Variants in TARDBP observed in about 807,000 individuals in gnomAD.
TARDBP encodes TAR DNA-binding protein 43.
Under a neutral mutation model 38.3 loss-of-function variants are expected in TARDBP, and 4 were observed. That is an observed-to-expected ratio of 0.10 (90% confidence interval 0.05 to 0.24). The LOEUF is 0.24. TARDBP is among the 10% of genes least tolerant of loss of function. TARDBP has a pLI of 1.00. For synonymous variants in TARDBP, 184 were observed against 183.8 expected (o/e 1.00, Z -0.01); for missense variants, 202 against 521.9 (o/e 0.39, Z 5.97).
intron 1 of TARDBP, 23 bp from the exon 2 acceptor site, chr1:11,013,689 GTTCA>G (rs1480540059): frequency 5.4e-6 from 8 of 1,488,306 alleles, no homozygotes; most frequent in Non-Finnish European, 7.4e-6. Context: ...CATGAATGTT[GTTCA>G]TTCATATCTC....
In TARDBP at chr1:11,023,574, T is replaced by G. The variant is rs1643680545; in HGVS notation, c.*920T>G. ...AGATGTGTCTCTCAATCCTGTGGCT[T>G]TGGTGAGAGAGTGTGCAGAGAGCAA... On this transcript the variant is annotated 3_prime_UTR_variant, in exon 6 of 6. Coordinates refer to ENST00000240185, the MANE Select transcript of TARDBP (RefSeq NM_007375.4). 1 of 406,032 alleles carries G rather than the reference T, an allele frequency of 2.5e-6. No homozygotes were observed. The highest frequency in any genetic ancestry group is 3.8e-5 in the East Asian group (1 of 26,516). 25.2% of individuals were successfully genotyped at this position (406,032 alleles called of 1,614,324 possible). A position where few individuals can be genotyped will look rare whatever the true frequency, so the allele number is the denominator to read the frequency against.
chr1:11,025,705 A>G (rs1449352964), downstream of TARDBP: 2 of 152,304 alleles, frequency 1.3e-5, no homozygotes, highest in Non-Finnish European at 2.9e-5. Flanking sequence ...AGTTAGACTG[A>G]AAAACTTGAA....
chr1:11,013,731 T>A lies in TARDBP; in HGVS notation c.4T>A (p.Ser2Thr). 1 of 1,604,688 alleles carries A rather than the reference T, an allele frequency of 6.2e-7. No individual in the cohort carries two copies. The highest frequency in any genetic ancestry group is 8.5e-7 in the Non-Finnish European group (1 of 1,174,486). ...TTCTCTTTAGGAAAAGTAAAAGATG[T>A]CTGAATATATTCGGGTAACCGAAGA... MSEYIRVTEDEN... is the reference protein window; with the variant it reads MTEYIRVTEDEN... The change falls in exon 2 of 6, where the codon TCT becomes ACT. Residue 2 changes from serine (S) to threonine (T), a missense_variant. Ser to Thr is a moderately conservative substitution (Grantham distance 58). Around this residue, in one of 5 missense-constraint regions of TARDBP, gnomAD observed 12 missense variants for 26.3 expected, o/e 0.46. Transcript: ENST00000240185.
Position 11,020,507 on chromosome 1 carries a change from C to A in TARDBP, c.622C>A (p.Arg208=), listed in dbSNP as rs1643615862. 2 of 1,613,798 alleles carry A rather than the reference C, an allele frequency of 1.2e-6. No homozygotes were observed. Among genetic ancestry groups the A allele is most frequent in the Admixed American group, 1.7e-5 (1 of 59,964 alleles). The change falls in exon 5 of 6, where the codon CGG becomes AGG. Residue 208 remains arginine, a synonymous_variant. Transcript: ENST00000240185. The part of the protein sequence containing the change: ...CTEDMTEDEL[R]EFFSQYGDVM... Reference sequence around the variant, plus strand: ...AGAGGACATGACTGAGGATGAGCTGCGGGAGTTCTTCTCTCAGTACGGGGA... The same window carrying A: ...AGAGGACATGACTGAGGATGAGCTGAGGGAGTTCTTCTCTCAGTACGGGGA...
downstream of TARDBP, chr1:11,026,559 A>G: frequency 5.1e-6 from 1 of 198,006 alleles, no homozygotes. Flanking sequence ...GAGCATGGAC[A>G]GGCAGTTTAC....
intron 2 of TARDBP, among the ~76,000 whole-genome samples, 176 bp downstream of exon 2, chr1:11,014,141 T>C (rs1643468996): frequency 6.6e-6 from 1 of 152,220 alleles, no homozygotes; most frequent in African/African-American, 2.4e-5. Context: ...AAACTGGGGA[T>C]TGTAGATCAT....
At chr1:11,029,990 A>C (rs1338898104), downstream of TARDBP, 8 of 520,680 alleles carry the variant, frequency 1.5e-5, no homozygotes, top group Non-Finnish European at 2.4e-5. Flanking sequence ...TGATGCAGTC[A>C]GCACCTAACA....
intron 2 of TARDBP, among the ~76,000 whole-genome samples, chr1:11,014,510 A>G (rs1049554526): frequency 1.3e-5 from 2 of 152,192 alleles, no homozygotes; most frequent in African/African-American, 4.8e-5. Context: ...TGCCAAGGAA[A>G]TACCTAATTT....
At chr1:11,027,675 A>G (rs1189459003), downstream of TARDBP, 4 of 1,548,180 alleles carry the variant, frequency 2.6e-6, no homozygotes, top group Non-Finnish European at 2.6e-6. Context: ...ATAGGTAGAG[A>G]GCCTTTGTAA....
chr1:11,022,991 CA>C lies in TARDBP; in HGVS notation c.*341del. On this transcript the variant is annotated 3_prime_UTR_variant, in exon 6 of 6. Transcript: ENST00000240185. This position sits in a 1 kb window ranked among gnomAD's most constrained non-coding sequence, Gnocchi z 4.5. ...TTGTCAAGTGAATTCTTTGCATGTT[CA>C]AAACGGAAACCATTGATTAGAACTA... 1 of 1,397,002 alleles carries C rather than the reference CA, an allele frequency of 7.2e-7. No individual in the cohort carries two copies. The allele number at this position is 1,397,002 out of a possible 1,614,324, so 86.5% of individuals were successfully genotyped here.
intron 2 of TARDBP, 26 bp from the exon 3 acceptor site, chr1:11,016,818 A>G (rs201708639): frequency 1.6e-5 from 26 of 1,612,370 alleles, no homozygotes; most frequent in East Asian, 1.1e-4. Flanking sequence ...GAAGATTTCT[A>G]AAAGGTTTCT....
At chr1:11,012,954 G>A (rs1383847079) in intron 1 of TARDBP, among the ~76,000 whole-genome samples, 1 of 152,248 alleles carries the variant, frequency 6.6e-6, no homozygotes, top group African/African-American at 2.4e-5. Flanking sequence ...CCGGGCCCGC[G>A]GTGCCGCGTA....
chr1:11,027,152 A>G, downstream of TARDBP: 1 of 1,614,074 alleles, frequency 6.2e-7, no homozygotes. Context: ...ATGCAGCAGT[A>G]CATTTTTGAT....
intron 2 of TARDBP, among the ~76,000 whole-genome samples, chr1:11,015,214 A>G (rs1413678604): frequency 1.3e-5 from 2 of 151,422 alleles, no homozygotes; most frequent in Non-Finnish European, 2.9e-5. Flanking sequence ...GGCTCGGTGC[A>G]ATGGCTCACA....
chr1:11,020,333 C>T lies in TARDBP; in HGVS notation c.544-96C>T, dbSNP rs562939412. ...CTACTTTTTAATGGTTCACTGCTAT[C>T]CAAGGCGAATGATTTTGTTATATCC... On this transcript the variant is annotated intron_variant, in intron 4 of 5. Coordinates refer to ENST00000240185, the MANE Select transcript of TARDBP (RefSeq NM_007375.4). 1.8e-5 allele frequency: 27 copies of T among 1,474,788 alleles called. No individual in the cohort carries two copies. The Middle Eastern group carries it at 2.8e-3, about 151-fold the overall frequency. The allele number at this position is 1,474,788 out of a possible 1,614,324, so 91.4% of individuals were successfully genotyped here. A position where few individuals can be genotyped will look rare whatever the true frequency, so the allele number is the denominator to read the frequency against.
Position 11,020,434 on chromosome 1 carries a change from C to T in TARDBP, c.549C>T (p.Ser183=), listed in dbSNP as rs1371378517. The T allele has an allele frequency of 6.2e-7, 1 of 1,613,940 alleles. No individual in the cohort carries two copies. The highest frequency in any genetic ancestry group is 1.7e-5 in the Admixed American group (1 of 59,992). ...CTTCCTTTTGATTTGATCAGCAAAG[C>T]CAAGATGAGCCTTTGAGAAGCAGAA... ...CDCKLPNSKQ[S]QDEPLRSRKV... The change falls in exon 5 of 6, where the codon AGC becomes AGT. Residue 183 remains serine, a synonymous_variant. Coordinates refer to ENST00000240185, the MANE Select transcript of TARDBP (RefSeq NM_007375.4).
intron 4 of TARDBP, among the ~76,000 whole-genome samples, 174 bp from the exon 5 acceptor site, chr1:11,020,255 C>A (rs1430345881): frequency 6.6e-6 from 1 of 152,148 alleles, no homozygotes; most frequent in Non-Finnish European, 1.5e-5. Flanking sequence ...CGTTACTCTT[C>A]ACTGAAGCCT....
At chr1:11,030,315 A>G, downstream of TARDBP, 1 of 1,131,386 alleles carries the variant, frequency 8.8e-7, no homozygotes, top group South Asian at 1.3e-5. Context: ...ATTTGCTTGA[A>G]TACCCCCTTG....
intron 1 of TARDBP, among the ~76,000 whole-genome samples, chr1:11,013,340 T>C (rs1282105256): frequency 1.3e-5 from 2 of 152,234 alleles, no homozygotes; most frequent in Admixed American, 1.3e-4. Context: ...CCAGTTAGGC[T>C]CCTCCTCTGC....
Sources: gnomAD v4.1 joint callset for allele counts (sites outside exome capture counted in the v4.1 genomes callset) on GRCh38, gnomAD v4.1.1 for gene constraint, gnomAD v4.1.1 regional missense constraint, Gnocchi (gnomAD v3.1) non-coding constraint, MANE v1.5 for transcripts, NCBI Gene and HGNC (gene_info 2026-07-23, HGNC 2026-07-21) for gene names.